The following FMN1 variants were observed in gnomAD, a reference collection of about 807,000 sequenced individuals.
The protein encoded by FMN1 is formin-1.
FMN1 carries 110 observed loss-of-function variants against 132.4 expected under a neutral mutation model. The observed-to-expected ratio is 0.83, with a 90% CI of 0.71 to 0.97. FMN1 has a LOEUF of 0.97. FMN1 is among the 50% of genes least tolerant of loss of function. The pLI is 0.00. For synonymous variants in FMN1, 722 were observed against 651.7 expected, an observed-to-expected ratio of 1.11 and a Z score of -1.64; for missense variants, 1,792 against 1,705.3, an observed-to-expected ratio of 1.05 and a Z score of -0.90.
At chr15:33,067,094 T>G in intron 5 of FMN1, 1 of 1,613,986 alleles carries the variant, frequency 6.2e-7, no homozygotes, top group South Asian at 1.1e-5. Context: ...TCCAGAGACT[T>G]CTTTTTTAGA....
intron 16 of FMN1, among the ~76,000 whole-genome samples, chr15:32,872,104 T>C (rs1425108703): frequency 6.6e-6 from 1 of 152,062 alleles, no homozygotes; most frequent in African/African-American, 2.4e-5. Flanking sequence ...TATGCTACTG[T>C]CAGCACTAGC....
At chr15:32,974,291 G>A (rs114404911) in intron 7 of FMN1, among the ~76,000 whole-genome samples, 1 of 152,304 alleles carries the variant, frequency 6.6e-6, no homozygotes, top group African/African-American at 2.4e-5. Context: ...GACAGGTGCT[G>A]AGGTTTGATA....
chr15:32,932,536 C>G (rs554089407), intron 9 of FMN1, among the ~76,000 whole-genome samples: 4 of 152,240 alleles, frequency 2.6e-5, no homozygotes, highest in African/African-American at 9.6e-5. Flanking sequence ...GAAGGGTGAC[C>G]TCTTCAATTT....
intron 6 of FMN1, among the ~76,000 whole-genome samples, chr15:33,024,391 C>T (rs12101826): frequency 0.28 from 41,858 of 151,406 alleles, 6,421 homozygotes; most frequent in Non-Finnish European, 0.35. Context: ...GGACTACAGG[C>T]GTCCGCCACC....
intron 15 of FMN1, among the ~76,000 whole-genome samples, chr15:32,890,105 T>C (rs1041027734): frequency 4.6e-5 from 7 of 152,060 alleles, no homozygotes; most frequent in Admixed American, 3.3e-4. Flanking sequence ...TGTTAATTCA[T>C]TCCTTTTTAT....
At chr15:32,857,452 A>G (rs2059162008) in intron 16 of FMN1, among the ~76,000 whole-genome samples, 1 of 152,190 alleles carries the variant, frequency 6.6e-6, no homozygotes, top group African/African-American at 2.4e-5. Context: ...CTTGAGGATT[A>G]GTCTCACGAA....
chr15:32,824,571 G>A (rs1166284386), intron 17 of FMN1, among the ~76,000 whole-genome samples: 2 of 151,990 alleles, frequency 1.3e-5, no homozygotes, highest in Non-Finnish European at 2.9e-5. Flanking sequence ...AATATATTCA[G>A]GCTCCAAGGC....
At chr15:33,134,419 A>G (rs1207040892) in intron 4 of FMN1, among the ~76,000 whole-genome samples, 1 of 152,202 alleles carries the variant, frequency 6.6e-6, no homozygotes, top group Non-Finnish European at 1.5e-5. Context: ...CCCAGTGAAC[A>G]ACCATCTAAA....
intron 5 of FMN1, chr15:33,066,938 T>A: frequency 6.2e-7 from 1 of 1,614,002 alleles, no homozygotes; most frequent in Non-Finnish European, 8.5e-7. Flanking sequence ...CACTAAGGAC[T>A]TCTGCACAGG....
chr15:33,026,170 AT>A (rs1161920700), intron 6 of FMN1, among the ~76,000 whole-genome samples: 1 of 149,220 alleles, frequency 6.7e-6, no homozygotes, highest in African/African-American at 2.5e-5. Context: ...AGAGTTCTGC[AT>A]GGTGGTAGCC....
chr15:33,126,964 T>C lies in FMN1; in HGVS notation c.1867+26084A>G, dbSNP rs1963142378. Among the ~76,000 whole-genome samples, 3 of 152,222 alleles carry C rather than the reference T, an allele frequency of 2.0e-5. No homozygotes were observed. In the South Asian group the frequency reaches 6.2e-4, roughly 32 times the overall value. On this transcript the variant is annotated intron_variant, in intron 4 of 20. Coordinates refer to ENST00000616417, the MANE Select transcript of FMN1 (RefSeq NM_001277313.2). ...CTCCTGACAAAGAACTGTGGTTGGC[T>C]GACTCTGTGGAGAGGCTTGCAAGAT...
At chr15:33,096,763 C>G (rs1030060172) in intron 4 of FMN1, among the ~76,000 whole-genome samples, 47 of 152,172 alleles carry the variant, frequency 3.1e-4, no homozygotes, top group Middle Eastern at 3.4e-3. Context: ...CCACCATGCC[C>G]AGCTATTTAT....
intron 7 of FMN1, among the ~76,000 whole-genome samples, chr15:32,991,199 A>G (rs752497539): frequency 6.6e-6 from 1 of 152,168 alleles, no homozygotes; most frequent in Non-Finnish European, 1.5e-5. Context: ...TCTCGGTTTC[A>G]GAAGAAATGC....
chr15:32,955,018 T>G (rs537041295), intron 9 of FMN1, among the ~76,000 whole-genome samples: 3 of 152,192 alleles, frequency 2.0e-5, no homozygotes, highest in Non-Finnish European at 4.4e-5. Context: ...GGGTTGTTGC[T>G]GGAAACATTC....
At chr15:33,003,419 C>T (rs550778717) in intron 7 of FMN1, among the ~76,000 whole-genome samples, 1 of 152,146 alleles carries the variant, frequency 6.6e-6, no homozygotes, top group Admixed American at 6.5e-5. Context: ...GACAGAGAGC[C>T]AAATCATGAG....
At chr15:33,185,488 T>C (rs1595613556) in intron 2 of FMN1, among the ~76,000 whole-genome samples, 1 of 151,990 alleles carries the variant, frequency 6.6e-6, no homozygotes, top group African/African-American at 2.4e-5. Context: ...GAATAGAAAG[T>C]AAATTTTTGT....
intron 2 of FMN1, among the ~76,000 whole-genome samples, chr15:33,192,394 AC>A (rs1966110889): frequency 6.6e-6 from 1 of 152,176 alleles, no homozygotes; most frequent in African/African-American, 2.4e-5. Context: ...GTCCTATGGG[AC>A]CCCATTCCCT....
intron 3 of FMN1, among the ~76,000 whole-genome samples, chr15:33,172,267 T>C (rs1007549022): frequency 1.3e-5 from 2 of 152,156 alleles, no homozygotes; most frequent in Middle Eastern, 3.4e-3. Flanking sequence ...ATGGATTTTA[T>C]GGTATTAATG....
chr15:32,810,012 C>T (rs1207730688), intron 17 of FMN1, among the ~76,000 whole-genome samples: 1 of 152,068 alleles, frequency 6.6e-6, no homozygotes, highest in Non-Finnish European at 1.5e-5. Context: ...CTCCATCTCC[C>T]GGGTTCAAGT....
Sources: gnomAD v4.1 joint callset for allele counts (sites outside exome capture counted in the v4.1 genomes callset) on GRCh38, gnomAD v4.1.1 for gene constraint, MANE v1.5 for transcripts, NCBI Gene and HGNC (gene_info 2026-07-23, HGNC 2026-07-21) for gene names.